DPF1: variants seen among roughly 807,000 people sequenced by gnomAD.
DPF1 encodes the protein double PHD fingers 1, also known as zinc finger protein neuro-d4.
Under a neutral mutation model 58.7 loss-of-function variants are expected in DPF1, and 14 were observed. The ratio of observed to expected loss-of-function variants is 0.24; its 90% CI spans 0.16 to 0.37. The LOEUF (loss-of-function observed/expected upper bound fraction) is 0.37, where lower values mean the gene tolerates loss of function less well. Ranked by LOEUF, DPF1 falls within the 10% of genes least tolerant of loss-of-function variation. DPF1 has a pLI of 1.00. For synonymous variants in DPF1, 216 were observed against 216.0 expected (o/e 1.00, Z 0.00); for missense variants, 345 against 529.9 (o/e 0.65, Z 3.43).
At position 38,222,818 on chromosome 19, in the gene DPF1, G is replaced by A. The variant is rs533510841; in HGVS notation, c.30-110C>T. 2 of 1,356,166 alleles carry A rather than the reference G, an allele frequency of 1.5e-6. No homozygotes were observed. The highest frequency in any genetic ancestry group is 2.9e-5 in the East Asian group (1 of 34,888). The allele number at this position is 1,356,166 out of a possible 1,614,324, so 84.0% of individuals were successfully genotyped here. On this transcript the variant is annotated intron_variant, in intron 1 of 11. Transcript: ENST00000355526. The surrounding 1 kb of genome is among the most constrained non-coding windows in gnomAD (Gnocchi z 4.9). ...CGCCCAGGCTCGGGAGGGGTGGGCC[G>A]ACCCCTCCAGCCTCACCTCTCCCCT...
chr19:38,223,693 T>C lies in DPF1; in HGVS notation c.29+421A>G, dbSNP rs78385229. 6.0e-4 allele frequency: 95 copies of C among 159,642 alleles called. 1 individual carries two copies. The highest frequency in any genetic ancestry group is 2.3e-3 in the African/African-American group (94 of 41,758). 9.9% of individuals were successfully genotyped at this position (159,642 alleles called of 1,614,324 possible). A position where few individuals can be genotyped will look rare whatever the true frequency, so the allele number is the denominator to read the frequency against. The stretch of plus-strand genomic sequence containing the variant: ...TGCAGAATAAAAGGAAACAGACACA[T>C]GTCCACACACCTATCCCCCAAAAAT... On this transcript the variant is annotated intron_variant, in intron 1 of 11. Transcript: ENST00000355526.
chr19:38,222,112 T>TAAA lies in DPF1; in HGVS notation c.298+242_298+244dup, dbSNP rs1232136616. On this transcript the variant is annotated intron_variant, in intron 3 of 11. Coordinates refer to ENST00000355526, the MANE Select transcript of DPF1 (RefSeq NM_001135155.3). This position sits in a 1 kb window ranked among gnomAD's most constrained non-coding sequence, Gnocchi z 4.9. ...AAACTCTGTCTCAAAAATAAATAAA[T>TAAA]AAATAAATAAATAAATAAATAACAA... 2.3e-4 allele frequency among the ~76,000 whole-genome samples: 35 copies of TAAA among 150,542 alleles called. No individual in the cohort carries two copies. Among genetic ancestry groups the TAAA allele is most frequent in the African/African-American group, 6.6e-4 (27 of 41,140 alleles).
At chr19:38,227,357 C>T (rs1350208027), upstream of DPF1, among the ~76,000 whole-genome samples, 1 of 151,848 alleles carries the variant, frequency 6.6e-6, no homozygotes, top group Non-Finnish European at 1.5e-5. Flanking sequence ...AGATTACAGG[C>T]ATAAGCCACC....
chr19:38,211,757 C>G lies in DPF1; in HGVS notation c.*306G>C. 2.2e-6 allele frequency: 1 copy of G among 448,600 alleles called. No homozygotes were observed. The highest frequency in any genetic ancestry group is 4.0e-6 in the Non-Finnish European group (1 of 252,914). 27.8% of individuals were successfully genotyped at this position (448,600 alleles called of 1,614,324 possible). A position where few individuals can be genotyped will look rare whatever the true frequency, so the allele number is the denominator to read the frequency against. ...TCTTTAGAAAAAGGCTCTGTCCATG[C>G]CCCTGGCTGGCACCCACCACCCCCC... On this transcript the variant is annotated 3_prime_UTR_variant, in exon 12 of 12. Coordinates refer to ENST00000355526, the MANE Select transcript of DPF1 (RefSeq NM_001135155.3). The surrounding 1 kb of genome is among the most constrained non-coding windows in gnomAD (Gnocchi z 4.0).
intron 10 of DPF1, 85 bp from the exon 11 acceptor site, chr19:38,212,446 A>T (rs995022605): frequency 4.2e-5 from 25 of 594,488 alleles, no homozygotes; most frequent in Non-Finnish European, 6.9e-5. Context: ...GGGCTAGGTC[A>T]AGGGGGCTGG....
upstream of DPF1, among the ~76,000 whole-genome samples, chr19:38,227,794 G>C (rs1305101656): frequency 2.0e-5 from 3 of 152,178 alleles, no homozygotes; most frequent in Non-Finnish European, 4.4e-5. Context: ...CAGGCAGTCG[G>C]AACTTCCGAG....
chr19:38,226,419 C>T (rs1967821594), upstream of DPF1, among the ~76,000 whole-genome samples: 1 of 151,006 alleles, frequency 6.6e-6, no homozygotes, highest in African/African-American at 2.4e-5. Context: ...ACAGAAGTGG[C>T]CCGCTAGCCT....
upstream of DPF1, among the ~76,000 whole-genome samples, chr19:38,226,970 C>CTTTCCTTTTTT (rs1396465321): frequency 2.0e-5 from 3 of 148,864 alleles, no homozygotes; most frequent in Non-Finnish European, 4.5e-5. Flanking sequence ...ATTTTTCTTT[C>CTTTCCTTTTTT]TTTTCTTTTC....
At position 38,224,041 on chromosome 19, in the gene DPF1, C is replaced by G. The variant is rs2146214114; in HGVS notation, c.29+73G>C. 5.6e-6 allele frequency: 8 copies of G among 1,435,966 alleles called. No homozygotes were observed. Among genetic ancestry groups the G allele is most frequent in the South Asian group, 1.6e-5 (1 of 64,410 alleles). 89.0% of individuals were successfully genotyped at this position (1,435,966 alleles called of 1,614,324 possible). ...CCAGACACCCCTTCGGCCCCACCCC[C>G]GGTCGCCACACACACACAGGCCCGC... On this transcript the variant is annotated intron_variant, in intron 1 of 11. Transcript: ENST00000355526. The surrounding 1 kb of genome is among the most constrained non-coding windows in gnomAD (Gnocchi z 4.5).
rs866321508 is a variant in DPF1, at chr19:38,216,128, G to A, written c.898+12C>T. On this transcript the variant is annotated intron_variant, in intron 9 of 11. Coordinates refer to ENST00000355526, the MANE Select transcript of DPF1 (RefSeq NM_001135155.3). ...CACCCGGCCCCCAGAAACCTCAGGT[G>A]GGGAGCATCACCTGATCGCCCACAG... 1 of 1,606,350 alleles carries A rather than the reference G, an allele frequency of 6.2e-7. No individual in the cohort carries two copies. Among genetic ancestry groups the A allele is most frequent in the African/African-American group, 1.3e-5 (1 of 74,860 alleles).
At chr19:38,220,570 C>T (rs1161402663) in intron 3 of DPF1, among the ~76,000 whole-genome samples, 4 of 150,182 alleles carry the variant, frequency 2.7e-5, no homozygotes, top group Admixed American at 1.3e-4. Flanking sequence ...GCAGTGAGAT[C>T]GCGCCACTGC....
At chr19:38,215,569 C>T (rs1966957253) in intron 9 of DPF1, among the ~76,000 whole-genome samples, 1 of 152,156 alleles carries the variant, frequency 6.6e-6, no homozygotes, top group African/African-American at 2.4e-5. Flanking sequence ...TCCCGAGTAG[C>T]TGGGGCTAAT....
In DPF1 at chr19:38,222,820, C is replaced by A. The variant is rs1568638200; in HGVS notation, c.30-112G>T. On this transcript the variant is annotated intron_variant, in intron 1 of 11. Coordinates refer to ENST00000355526, the MANE Select transcript of DPF1 (RefSeq NM_001135155.3). The surrounding 1 kb of genome is among the most constrained non-coding windows in gnomAD (Gnocchi z 4.9). ...CCCAGGCTCGGGAGGGGTGGGCCGACCCCTCCAGCCTCACCTCTCCCCTCC... is the reference window on the plus strand; with the variant it reads ...CCCAGGCTCGGGAGGGGTGGGCCGAACCCTCCAGCCTCACCTCTCCCCTCC... The A allele has an allele frequency of 3.7e-6, 5 of 1,357,012 alleles. No homozygotes were observed. In the East Asian group the frequency reaches 1.4e-4, roughly 39 times the overall value. 84.1% of individuals were successfully genotyped at this position (1,357,012 alleles called of 1,614,324 possible).
intron 11 of DPF1, 67 bp from the exon 12 acceptor site, chr19:38,212,200 C>T: frequency 6.4e-7 from 1 of 1,556,904 alleles, no homozygotes; most frequent in South Asian, 1.2e-5. Context: ...CCTTCCCACC[C>T]CGAGGACACA....
chr19:38,220,493 C>A (rs1006146728), intron 3 of DPF1, among the ~76,000 whole-genome samples: 3 of 151,004 alleles, frequency 2.0e-5, no homozygotes, highest in African/African-American at 7.3e-5. Flanking sequence ...TAGTGGCAGG[C>A]GCCTGTAGTC....
chr19:38,224,977 G>A (rs765283352), upstream of DPF1, among the ~76,000 whole-genome samples: 5 of 152,210 alleles, frequency 3.3e-5, no homozygotes, highest in African/African-American at 9.6e-5. The surrounding 1 kb of genome is among the most constrained non-coding windows in gnomAD (Gnocchi z 4.5). Context: ...CAGGCCAGGC[G>A]CAGTGGCTCA....
Position 38,229,609 on chromosome 19 carries a change from GCCTC to G in DPF1, c.-186_-183del. The G allele has an allele frequency of 9.1e-7, 1 of 1,094,358 alleles. No homozygotes were observed. The highest frequency in any genetic ancestry group is 1.1e-6 in the Non-Finnish European group (1 of 899,978). 67.8% of individuals were successfully genotyped at this position (1,094,358 alleles called of 1,614,324 possible). The stretch of plus-strand genomic sequence containing the variant: ...TGGCCATGGCCCGCTCGGCTGGGCC[GCCTC>G]CGGCCCGGGGCGCCGCTGCCGCCGC... On this transcript the variant is annotated 5_prime_UTR_variant, in exon 1 of 12. Transcript: ENST00000412732. The surrounding 1 kb of genome is among the most constrained non-coding windows in gnomAD (Gnocchi z 5.3).
chr19:38,214,790 C>T (rs1195577206), intron 9 of DPF1, among the ~76,000 whole-genome samples: 1 of 152,034 alleles, frequency 6.6e-6, no homozygotes, highest in African/African-American at 2.4e-5. Context: ...CCTCAGCCTC[C>T]CGAGTAGCTG....
chr19:38,212,721 C>T (rs1434143116), intron 10 of DPF1, among the ~76,000 whole-genome samples: 1 of 150,518 alleles, frequency 6.6e-6, no homozygotes, highest in African/African-American at 2.5e-5. Context: ...TCAAGTGATT[C>T]TCCTGCCTCA....
Sources: allele counts gnomAD v4.1 joint callset (sites outside exome capture counted in the v4.1 genomes callset), GRCh38; gene constraint gnomAD v4.1.1; non-coding constraint Gnocchi (gnomAD v3.1); transcripts MANE v1.5; gene names NCBI Gene and HGNC (gene_info 2026-07-23, HGNC 2026-07-21).